Variants in MALRD1 observed in about 807,000 individuals in gnomAD.
MALRD1 encodes MAM and LDL receptor class A domain containing 1, also known as MAM and LDL-receptor class A domain-containing protein 1.
Under a neutral mutation model 242.1 loss-of-function variants are expected in MALRD1, and 247 were observed. That is an observed-to-expected ratio of 1.02 (90% CI 0.92 to 1.13). The LOEUF is 1.13. Ranked by LOEUF, MALRD1 falls within the 50% of genes most tolerant of loss-of-function variation. The probability of loss-of-function intolerance (pLI) is 0.00; values close to 1 mark genes in which losing one functional copy is unlikely to be tolerated. For missense variants in MALRD1, 2,989 were observed against 2,533.1 expected (o/e 1.18, Z -3.86); for synonymous variants, 995 against 866.6 (o/e 1.15, Z -2.60).
intron 31 of MALRD1, among the ~76,000 whole-genome samples, chr10:19,509,038 G>T (rs1354045226): frequency 2.0e-5 from 3 of 152,120 alleles, no homozygotes; most frequent in Admixed American, 2.0e-4. Flanking sequence ...AGAGAACAAT[G>T]AAAAGCAAAG....
intron 11 of MALRD1, among the ~76,000 whole-genome samples, chr10:19,150,144 T>C (rs1833888516): frequency 1.3e-5 from 2 of 152,190 alleles, no homozygotes; most frequent in Admixed American, 6.5e-5. Flanking sequence ...AAAACACCAT[T>C]AAATTTGCAT....
chr10:19,692,274 C>G lies in MALRD1; in HGVS notation c.6138-8C>G, dbSNP rs78991042. 6.5e-7 allele frequency: 1 copy of G among 1,529,914 alleles called. No individual in the cohort carries two copies. 94.8% of individuals were successfully genotyped at this position (1,529,914 alleles called of 1,614,324 possible). On this transcript the variant is annotated splice_region_variant and splice_polypyrimidine_tract_variant and intron_variant, in intron 36 of 39. Coordinates refer to ENST00000454679, the MANE Select transcript of MALRD1 (RefSeq NM_001142308.3). ...TTTTCCAACTATTTTATTTTATCTC[C>G]TTTCCAGATGTAGACAAGGCTGGAA... is the stretch of plus-strand genomic sequence containing the variant.
chr10:19,125,290 T>TTTCTTTCC lies in MALRD1; in HGVS notation c.943+623_943+624insTTTCCTTC, dbSNP rs1564407720. On this transcript the variant is annotated intron_variant, in intron 7 of 39. Coordinates refer to ENST00000454679, the MANE Select transcript of MALRD1 (RefSeq NM_001142308.3). ...TTCTCTTTCTTTCTTTCTTTCTTTC[T>TTTCTTTCC]TTCCTTCCTTCCTTCCTTCCTTCCT... Among the ~76,000 whole-genome samples, 119 of 69,068 alleles carry TTTCTTTCC rather than the reference T, an allele frequency of 1.7e-3. 3 individuals carry two copies. The highest frequency in any genetic ancestry group is 2.1e-3 in the Non-Finnish European group (76 of 36,858). 45.3% of individuals were successfully genotyped at this position (69,068 alleles called of 152,430 possible).
At chr10:19,391,315 T>G (rs1426132652) in intron 28 of MALRD1, among the ~76,000 whole-genome samples, 1 of 152,196 alleles carries the variant, frequency 6.6e-6, no homozygotes, top group East Asian at 1.9e-4. Context: ...ATAATATATT[T>G]GGATTCTATA....
intron 28 of MALRD1, among the ~76,000 whole-genome samples, chr10:19,429,839 A>C (rs1213975727): frequency 1.3e-5 from 2 of 152,116 alleles, no homozygotes; most frequent in Non-Finnish European, 2.9e-5. Flanking sequence ...TTCCAAGGCC[A>C]TGCCTACTCT....
chr10:19,425,720 C>T (rs909006813), intron 28 of MALRD1, among the ~76,000 whole-genome samples: 5 of 151,976 alleles, frequency 3.3e-5, no homozygotes, highest in African/African-American at 9.7e-5. Context: ...AATTCCAGCC[C>T]GCGTTTGACT....
At chr10:19,409,777 T>C (rs966897473) in intron 28 of MALRD1, among the ~76,000 whole-genome samples, 4 of 152,198 alleles carry the variant, frequency 2.6e-5, no homozygotes, top group South Asian at 2.1e-4. Context: ...AAAATAATTA[T>C]GTTAAATTTA....
intron 29 of MALRD1, among the ~76,000 whole-genome samples, chr10:19,466,789 T>C (rs1407608059): frequency 6.6e-6 from 1 of 152,146 alleles, no homozygotes; most frequent in East Asian, 1.9e-4. Flanking sequence ...AATTCACTTA[T>C]GTTTCATATA....
chr10:19,258,882 C>G (rs533347974), intron 19 of MALRD1, among the ~76,000 whole-genome samples: 2 of 152,260 alleles, frequency 1.3e-5, no homozygotes, highest in South Asian at 4.1e-4. Context: ...TGTATACCTC[C>G]CTATCTCAGC....
chr10:19,384,864 A>G (rs1437085517), intron 26 of MALRD1, among the ~76,000 whole-genome samples: 3 of 151,214 alleles, frequency 2.0e-5, no homozygotes, highest in African/African-American at 7.3e-5. Context: ...GAAAGAACTG[A>G]AAATTTTTTA....
chr10:19,210,899 C>A (rs1440889342), intron 18 of MALRD1, among the ~76,000 whole-genome samples: 1 of 152,142 alleles, frequency 6.6e-6, no homozygotes, highest in Non-Finnish European at 1.5e-5. Context: ...TTGGCTCCGC[C>A]ACAGTGTAAA....
chr10:19,576,218 G>A (rs1836816799), intron 33 of MALRD1, among the ~76,000 whole-genome samples: 1 of 152,162 alleles, frequency 6.6e-6, no homozygotes. Context: ...ACATCACTAT[G>A]AATAATCTCG....
At position 19,200,645 on chromosome 10, in the gene MALRD1, G is replaced by GTTTTTTTTTT. The variant is rs71387053; in HGVS notation, c.1952-3066_1952-3057dup. Reference sequence around the variant, plus strand: ...TTTTTTTTCTCCCTCCCTGCTTGAGGTTTTTTTTTTTTTTTTTTTTTTTTT... The same window carrying GTTTTTTTTTT: ...TTTTTTTTCTCCCTCCCTGCTTGAGGTTTTTTTTTTTTTTTTTTTTTTTTTTTTTTTTTTT... On this transcript the variant is annotated intron_variant, in intron 14 of 39. Transcript: ENST00000454679. 1.2e-3 allele frequency among the ~76,000 whole-genome samples: 82 copies of GTTTTTTTTTT among 69,442 alleles called. 4 individuals are homozygous for GTTTTTTTTTT. The East Asian group carries it at 0.025, about 21-fold the overall frequency. 45.6% of individuals were successfully genotyped at this position (69,442 alleles called of 152,430 possible).
chr10:19,071,568 A>G (rs1835148994), intron 2 of MALRD1, among the ~76,000 whole-genome samples: 1 of 152,058 alleles, frequency 6.6e-6, no homozygotes, highest in Admixed American at 6.6e-5. Context: ...TTGTGGTACC[A>G]GCTTATAGAT....
chr10:19,673,602 A>G (rs1842019760), intron 36 of MALRD1, among the ~76,000 whole-genome samples: 1 of 152,116 alleles, frequency 6.6e-6, no homozygotes. Context: ...CTAGGCAAAT[A>G]TTGGCTTATT....
chr10:19,667,770 C>G (rs1841738949), intron 36 of MALRD1, among the ~76,000 whole-genome samples: 2 of 152,122 alleles, frequency 1.3e-5, no homozygotes, highest in Non-Finnish European at 2.9e-5. Flanking sequence ...GTGAGCCAAT[C>G]AAACCTCCTC....
intron 26 of MALRD1, among the ~76,000 whole-genome samples, chr10:19,371,199 T>A (rs1845360084): frequency 6.6e-6 from 1 of 151,828 alleles, no homozygotes; most frequent in Admixed American, 6.6e-5. Flanking sequence ...CAGGGAGCTA[T>A]GATGGCCCTA....
chr10:19,611,982 G>A lies in MALRD1; in HGVS notation c.6071-3875G>A, dbSNP rs555486426. Among the ~76,000 whole-genome samples the A allele has an allele frequency of 2.6e-5, 4 of 152,010 alleles. No homozygotes were observed. The South Asian group carries it at 6.2e-4, about 24-fold the overall frequency. On this transcript the variant is annotated intron_variant, in intron 35 of 39. Transcript: ENST00000454679. ...TCACACAGAATTATTCTGATGTAAA[G>A]CAAGCTTATGTTTCATTTTCTGTAG...
At chr10:19,201,694 T>C (rs557291328) in intron 14 of MALRD1, among the ~76,000 whole-genome samples, 81 of 152,380 alleles carry the variant, frequency 5.3e-4, no homozygotes, top group African/African-American at 1.8e-3. Context: ...TGGAGATAGC[T>C]TTTAATCCTG....
Sources: allele counts gnomAD v4.1 joint callset (sites outside exome capture counted in the v4.1 genomes callset), GRCh38; gene constraint gnomAD v4.1.1; transcripts MANE v1.5; gene names NCBI Gene and HGNC (gene_info 2026-07-23, HGNC 2026-07-21).